The following APOC1 variants were observed in gnomAD, a reference collection of about 807,000 sequenced individuals.
The protein encoded by APOC1 is apolipoprotein C1, also known as apolipoprotein C-I.
APOC1 carries 4 observed loss-of-function variants against 6.7 expected under a neutral mutation model. The ratio of observed to expected loss-of-function variants is 0.60; its 90% CI spans 0.29 to 1.37. The LOEUF is 1.37. Among genes scored for constraint, APOC1 ranks in the 40% most tolerant of loss-of-function variants. The pLI is 0.09. For synonymous variants in APOC1, 33 were observed against 40.6 expected (o/e 0.81, Z 0.72); for missense variants, 122 against 99.4 (o/e 1.23, Z -0.97).
At chr19:44,914,757 G>A in intron 1 of APOC1, 24 bp downstream of exon 1, 1 of 883,882 alleles carries the variant, frequency 1.1e-6, no homozygotes, top group Non-Finnish European at 1.8e-6. Flanking sequence ...GCCTGGGAGG[G>A]ACACCCGCCT....
chr19:44,918,311 G>A (rs1970042678), intron 3 of APOC1, among the ~76,000 whole-genome samples: 1 of 145,060 alleles, frequency 6.9e-6, no homozygotes, highest in African/African-American at 2.5e-5. Flanking sequence ...GGCAGGCCTT[G>A]AAAGCCAGGC....
intron 2 of APOC1, among the ~76,000 whole-genome samples, chr19:44,915,648 G>A (rs1447240015): frequency 6.7e-6 from 1 of 150,136 alleles, no homozygotes; most frequent in Non-Finnish European, 1.5e-5. Context: ...ATCCATCCCG[G>A]TATCCCAACC....
At chr19:44,916,432 G>A (rs1371425878) in intron 3 of APOC1, 107 bp downstream of exon 3, 5 of 1,441,382 alleles carry the variant, frequency 3.5e-6, no homozygotes, top group Non-Finnish European at 3.8e-6. Context: ...TCCTGGAGAG[G>A]CTGACAACAT....
In APOC1 at chr19:44,919,229, G is replaced by A; in HGVS notation, c.251G>A (p.Ter84=). ...KVKEKLKIDS[*] ...AAGGAGAAACTCAAGATTGACTCAT[G>A]AGGACCTGAAGGGTGACATCCCAGG... The change falls in exon 4 of 4, where the codon TGA becomes TAA. Residue 84 remains the stop codon, a stop_retained_variant. Transcript: ENST00000592535. 6.2e-7 allele frequency: 1 copy of A among 1,613,920 alleles called. No individual in the cohort carries two copies. The highest frequency in any genetic ancestry group is 1.7e-5 in the Admixed American group (1 of 60,014).
chr19:44,916,823 A>AC (rs1470243634), intron 3 of APOC1, among the ~76,000 whole-genome samples: 46 of 149,944 alleles, frequency 3.1e-4, no homozygotes, highest in Non-Finnish European at 5.5e-4. Flanking sequence ...AAAAAAAAAA[A>AC]AAAAAAAAAA....
chr19:44,917,256 T>C (rs1033795812), intron 3 of APOC1, among the ~76,000 whole-genome samples: 4 of 152,144 alleles, frequency 2.6e-5, no homozygotes, highest in African/African-American at 9.7e-5. Flanking sequence ...AAATATTTAC[T>C]GAGCATCTGC....
intron 3 of APOC1, chr19:44,918,825 T>G: frequency 3.9e-6 from 1 of 255,498 alleles, no homozygotes. Flanking sequence ...ACACATGGTA[T>G]TTTTTGTATT....
intron 3 of APOC1, among the ~76,000 whole-genome samples, chr19:44,916,780 A>G (rs1232443766): frequency 1.4e-5 from 2 of 138,074 alleles, no homozygotes; most frequent in African/African-American, 5.3e-5. Context: ...ACATTGTGCC[A>G]GCCTGGGTGA....
chr19:44,917,022 G>A (rs1970022907), intron 3 of APOC1, among the ~76,000 whole-genome samples: 1 of 151,328 alleles, frequency 6.6e-6, no homozygotes, highest in Admixed American at 6.6e-5. Flanking sequence ...AAGGCCCCAA[G>A]CTTGGCCAGA....
chr19:44,919,102 T>TA lies in APOC1; in HGVS notation c.195-70dup. The TA allele has an allele frequency of 2.3e-6, 3 of 1,299,490 alleles. No homozygotes were observed. The African/African-American group carries it at 4.4e-5, about 19-fold the overall frequency. The allele number at this position is 1,299,490 out of a possible 1,614,324, so 80.5% of individuals were successfully genotyped here. Reference sequence around the variant, plus strand: ...GCAAGGGGAAGAGGTGGGAGTCAGGTAGCAGGCAGAATTTGGACAGCCTGG... The same window carrying TA: ...GCAAGGGGAAGAGGTGGGAGTCAGGTAAGCAGGCAGAATTTGGACAGCCTGG... On this transcript the variant is annotated intron_variant, in intron 3 of 3. Transcript: ENST00000592535.
intron 3 of APOC1, among the ~76,000 whole-genome samples, chr19:44,918,598 C>T (rs936976536): frequency 4.1e-4 from 63 of 152,138 alleles, no homozygotes; most frequent in African/African-American, 1.4e-3. Context: ...AGCATGGTCT[C>T]GATCTCCTGA....
At chr19:44,917,922 C>T (rs924740420) in intron 3 of APOC1, among the ~76,000 whole-genome samples, 11 of 151,200 alleles carry the variant, frequency 7.3e-5, no homozygotes, top group Admixed American at 7.3e-4. Flanking sequence ...TGCAGTGAGC[C>T]GAGATCATGC....
chr19:44,918,583 T>C (rs1156920773), intron 3 of APOC1, among the ~76,000 whole-genome samples: 2 of 152,000 alleles, frequency 1.3e-5, no homozygotes, highest in African/African-American at 4.8e-5. Context: ...TTTGTATTCT[T>C]AGCCAGCATG....
chr19:44,914,505 G>A, upstream of APOC1: 1 of 223,102 alleles, frequency 4.5e-6, no homozygotes, highest in African/African-American at 2.3e-5. Context: ...AGTGCTGAAC[G>A]GGGAGGGGCT....
At chr19:44,915,045 C>T (rs1969978937) in intron 2 of APOC1, 96 bp downstream of exon 2, 3 of 1,383,934 alleles carry the variant, frequency 2.2e-6, no homozygotes, top group Admixed American at 1.9e-5. Flanking sequence ...TCTGAGAGCT[C>T]CGGGGCCCCT....
intron 3 of APOC1, among the ~76,000 whole-genome samples, chr19:44,918,629 G>A (rs891785026): frequency 6.6e-6 from 1 of 151,868 alleles, no homozygotes; most frequent in Non-Finnish European, 1.5e-5. Flanking sequence ...CACCCGCCTC[G>A]GCCTCCCAAA....
At position 44,919,306 on chromosome 19, in the gene APOC1, C is replaced by T; in HGVS notation, c.*76C>T. The T allele has an allele frequency of 7.7e-7, 1 of 1,300,102 alleles. No individual in the cohort carries two copies. The highest frequency in any genetic ancestry group is 1.1e-6 in the Non-Finnish European group (1 of 902,496). 80.5% of individuals were successfully genotyped at this position (1,300,102 alleles called of 1,614,324 possible). On this transcript the variant is annotated 3_prime_UTR_variant, in exon 4 of 4. Coordinates refer to ENST00000592535, the MANE Select transcript of APOC1 (RefSeq NM_001645.5). ...CAGCGCCTGTGCTGAGGACTCCCTCCATGTGGCCCCAGGTGCCACCAATAA... is the reference window on the plus strand; with the variant it reads ...CAGCGCCTGTGCTGAGGACTCCCTCTATGTGGCCCCAGGTGCCACCAATAA...
chr19:44,917,176 A>G (rs1211308955), intron 3 of APOC1, among the ~76,000 whole-genome samples: 1 of 152,180 alleles, frequency 6.6e-6, no homozygotes, highest in Non-Finnish European at 1.5e-5. Context: ...TGGTACATGT[A>G]GATGCTCAGT....
chr19:44,917,579 AC>A (rs1222636582), intron 3 of APOC1, among the ~76,000 whole-genome samples: 1 of 151,732 alleles, frequency 6.6e-6, no homozygotes, highest in Non-Finnish European at 1.5e-5. Flanking sequence ...CCCTGTCTCA[AC>A]AAAAAAAGAA....
Sources: allele counts gnomAD v4.1 joint callset (sites outside exome capture counted in the v4.1 genomes callset), GRCh38; gene constraint gnomAD v4.1.1; transcripts MANE v1.5; gene names NCBI Gene and HGNC (gene_info 2026-07-23, HGNC 2026-07-21).